The following DMRT1 variants were observed in gnomAD, a reference collection of about 807,000 sequenced individuals.
DMRT1 encodes the protein doublesex and mab-3 related transcription factor 1.
Under a neutral mutation model 32.3 loss-of-function variants are expected in DMRT1, and 7 were observed. The observed-to-expected ratio is 0.22, with a 90% CI of 0.12 to 0.41. The LOEUF (loss-of-function observed/expected upper bound fraction) is 0.41. Ranked by LOEUF, DMRT1 falls within the 10% of genes least tolerant of loss-of-function variation. DMRT1 has a pLI of 1.00. For synonymous variants in DMRT1, 278 were observed against 206.1 expected, an observed-to-expected ratio of 1.35 and a Z score of -2.99; for missense variants, 625 against 500.5, an observed-to-expected ratio of 1.25 and a Z score of -2.37.
chr9:863,760 T>A (rs1160729025), intron 2 of DMRT1, among the ~76,000 whole-genome samples: 1 of 152,240 alleles, frequency 6.6e-6, no homozygotes, highest in Non-Finnish European at 1.5e-5. Context: ...GAAAGATGAC[T>A]AATGCAACTG....
chr9:935,374 G>A (rs1285222014), intron 4 of DMRT1, among the ~76,000 whole-genome samples: 1 of 152,182 alleles, frequency 6.6e-6, no homozygotes, highest in Non-Finnish European at 1.5e-5. Context: ...ACCTCTTAAT[G>A]TTTACAAAAG....
chr9:851,304 T>C (rs1277904938), intron 2 of DMRT1, among the ~76,000 whole-genome samples: 3 of 152,084 alleles, frequency 2.0e-5, no homozygotes, highest in Non-Finnish European at 2.9e-5. Flanking sequence ...AGTGGTGCAA[T>C]CTTGGCTCAC....
chr9:948,828 G>T (rs1051364662), intron 4 of DMRT1, among the ~76,000 whole-genome samples: 4 of 151,644 alleles, frequency 2.6e-5, no homozygotes, highest in African/African-American at 9.7e-5. Context: ...GGCCAAAGTG[G>T]ATGGATCACT....
Position 968,515 on chromosome 9 carries a change from GTTT to G in DMRT1, c.*388_*390del, listed in dbSNP as rs34469209. On this transcript the variant is annotated 3_prime_UTR_variant, in exon 5 of 5. Coordinates refer to ENST00000382276, the MANE Select transcript of DMRT1 (RefSeq NM_021951.3). ...AAATGAAATCTTAGGTGCCTTAGGG[GTTT>G]TTTTTTTTTTTAAGTATTTTTTAAA... 5.9e-5 allele frequency: 9 copies of G among 152,148 alleles called. No homozygotes were observed. Among genetic ancestry groups the G allele is most frequent in the South Asian group, 3.6e-4 (2 of 5,486 alleles). The allele number at this position is 152,148 out of a possible 1,614,324, so 9.4% of individuals were successfully genotyped here.
At chr9:959,191 C>T (rs570912748) in intron 4 of DMRT1, among the ~76,000 whole-genome samples, 118 of 151,936 alleles carry the variant, frequency 7.8e-4, no homozygotes, top group African/African-American at 2.1e-3. Context: ...AGCCTGCCTT[C>T]GTTACTGAGA....
chr9:875,603 A>G (rs1312391957), intron 2 of DMRT1, among the ~76,000 whole-genome samples: 5 of 152,172 alleles, frequency 3.3e-5, no homozygotes, highest in Admixed American at 1.3e-4. Context: ...TGATGGTGTG[A>G]CTATAGTTGT....
intron 2 of DMRT1, among the ~76,000 whole-genome samples, chr9:858,983 G>C (rs1815533235): frequency 6.6e-6 from 1 of 151,582 alleles, no homozygotes; most frequent in African/African-American, 2.4e-5. Flanking sequence ...TCCATCTCCA[G>C]AACTTCCCAG....
chr9:879,299 A>G (rs1034548116), intron 2 of DMRT1, among the ~76,000 whole-genome samples: 8 of 152,258 alleles, frequency 5.3e-5, no homozygotes, highest in South Asian at 4.1e-4. Flanking sequence ...TGAGAAATGA[A>G]AAAAAAATTA....
At chr9:956,792 C>T (rs2129979302) in intron 4 of DMRT1, among the ~76,000 whole-genome samples, 1 of 152,246 alleles carries the variant, frequency 6.6e-6, no homozygotes, top group South Asian at 2.1e-4. Flanking sequence ...AGTTCAGAGC[C>T]TCGCTCTCTT....
At chr9:905,634 C>A (rs144568091) in intron 3 of DMRT1, among the ~76,000 whole-genome samples, 143 of 152,188 alleles carry the variant, frequency 9.4e-4, no homozygotes, top group African/African-American at 3.3e-3. Context: ...TCTTTCATTG[C>A]GGTGCCCCGT....
At chr9:967,601 G>A (rs950232956) in intron 4 of DMRT1, among the ~76,000 whole-genome samples, 1 of 152,166 alleles carries the variant, frequency 6.6e-6, no homozygotes, top group East Asian at 1.9e-4. Context: ...CTTGCTTGAG[G>A]TAATGTGTCA....
intron 3 of DMRT1, among the ~76,000 whole-genome samples, chr9:900,900 C>A (rs972853231): frequency 1.3e-5 from 2 of 151,754 alleles, no homozygotes. Flanking sequence ...AGTGTGGTGC[C>A]GAGGCTGGTC....
intron 4 of DMRT1, among the ~76,000 whole-genome samples, chr9:950,483 G>A (rs1440797505): frequency 6.6e-6 from 1 of 152,078 alleles, no homozygotes; most frequent in Non-Finnish European, 1.5e-5. Context: ...ATCTGAGTCT[G>A]TTTTTAAAAT....
Position 891,273 on chromosome 9 carries a change from C to A in DMRT1, c.539-2639C>A, listed in dbSNP as rs141483839. 6.1e-3 allele frequency among the ~76,000 whole-genome samples: 926 copies of A among 151,444 alleles called. 12 individuals are homozygous for A. The highest frequency in any genetic ancestry group is 0.021 in the African/African-American group (876 of 41,380). On this transcript the variant is annotated intron_variant, in intron 2 of 4. Coordinates refer to ENST00000382276, the MANE Select transcript of DMRT1 (RefSeq NM_021951.3). ...ATCAGCCTGGCCAACATGGTGAAAC[C>A]CCGTCTCTACTTAAAAAAAATACAA...
chr9:932,918 C>CTT (rs796689473), intron 4 of DMRT1, among the ~76,000 whole-genome samples: 2 of 145,250 alleles, frequency 1.4e-5, no homozygotes, highest in Middle Eastern at 3.6e-3. Context: ...TCCAAGCTTT[C>CTT]TTTTTTTTTT....
chr9:878,200 G>GACCCCCCCCCC (rs149257815), intron 2 of DMRT1, among the ~76,000 whole-genome samples: 1 of 94,040 alleles, frequency 1.1e-5, no homozygotes, highest in Non-Finnish European at 2.0e-5. Flanking sequence ...TGCAGCTGCT[G>GACCCCCCCCCC]CCCCCCCCCC....
intron 3 of DMRT1, among the ~76,000 whole-genome samples, chr9:908,619 G>A (rs1342175821): frequency 6.6e-6 from 1 of 151,760 alleles, no homozygotes; most frequent in Admixed American, 6.6e-5. Context: ...TAGGGCTGTT[G>A]TTTATTTTTA....
intron 3 of DMRT1, among the ~76,000 whole-genome samples, chr9:902,064 C>G (rs1169153209): frequency 1.3e-5 from 2 of 151,002 alleles, no homozygotes; most frequent in Non-Finnish European, 3.0e-5. Context: ...CGTGCACCAC[C>G]ACGCCCAGCT....
chr9:946,135 C>CTTTTT (rs1174891518), intron 4 of DMRT1, among the ~76,000 whole-genome samples: 1 of 143,460 alleles, frequency 7.0e-6, no homozygotes. Flanking sequence ...TTCTTTCTTT[C>CTTTTT]TTTTTTTTTT....
Sources: gnomAD v4.1 joint callset for allele counts (sites outside exome capture counted in the v4.1 genomes callset) on GRCh38, gnomAD v4.1.1 for gene constraint, MANE v1.5 for transcripts, NCBI Gene and HGNC (gene_info 2026-07-23, HGNC 2026-07-21) for gene names.